Variants in IPO11 observed in about 807,000 individuals in gnomAD.
IPO11 encodes the protein importin 11, also known as importin-11.
IPO11 carries 66 observed loss-of-function variants against 143.2 expected under a neutral mutation model. The observed-to-expected ratio is 0.46, with a 90% confidence interval of 0.38 to 0.57. IPO11 has a LOEUF of 0.57. IPO11 is among the 20% of genes least tolerant of loss of function. The pLI is 0.00. For synonymous variants in IPO11, 385 were observed against 377.8 expected, an observed-to-expected ratio of 1.02 and a Z score of -0.22; for missense variants, 1,026 against 1,141.0, an observed-to-expected ratio of 0.90 and a Z score of 1.45.
At chr5:62,437,920 A>C (rs1744300396) in intron 2 of IPO11, among the ~76,000 whole-genome samples, 1 of 152,250 alleles carries the variant, frequency 6.6e-6, no homozygotes, top group Non-Finnish European at 1.5e-5. Flanking sequence ...TATGTGCTTT[A>C]AATTAACCTT....
intron 27 of IPO11, among the ~76,000 whole-genome samples, chr5:62,573,157 A>G (rs927926563): frequency 6.6e-5 from 10 of 151,968 alleles, no homozygotes; most frequent in Non-Finnish European, 1.3e-4. Context: ...AGCTGGGACT[A>G]CAGGTACCTG....
intron 27 of IPO11, among the ~76,000 whole-genome samples, chr5:62,575,530 A>T (rs573566593): frequency 1.3e-5 from 2 of 151,898 alleles, no homozygotes; most frequent in African/African-American, 4.8e-5. Flanking sequence ...ATCTCTCTCC[A>T]TCTTTCCAAT....
intron 27 of IPO11, chr5:62,581,260 C>A (rs1744549590): frequency 6.5e-7 from 1 of 1,537,874 alleles, no homozygotes; most frequent in African/African-American, 1.4e-5. Flanking sequence ...ACAAATTGTT[C>A]CTGAAAATGA....
chr5:62,602,635 T>G (rs1745548488), intron 29 of IPO11, among the ~76,000 whole-genome samples: 6 of 152,208 alleles, frequency 3.9e-5, no homozygotes, highest in Admixed American at 3.9e-4. Flanking sequence ...ATCATTGTAT[T>G]TACACCTCGC....
At chr5:62,498,270 T>G (rs1741226864) in intron 16 of IPO11, among the ~76,000 whole-genome samples, 1 of 152,172 alleles carries the variant, frequency 6.6e-6, no homozygotes, top group Non-Finnish European at 1.5e-5. Context: ...GGTAGTTCCT[T>G]GTGCCATAAT....
At chr5:62,602,608 G>A (rs1454904042) in intron 29 of IPO11, among the ~76,000 whole-genome samples, 1 of 152,126 alleles carries the variant, frequency 6.6e-6, no homozygotes, top group Non-Finnish European at 1.5e-5. Flanking sequence ...GTAAGAGTTA[G>A]CTGTCATTTT....
chr5:62,508,779 C>T (rs1002767613), intron 19 of IPO11, among the ~76,000 whole-genome samples: 3 of 152,090 alleles, frequency 2.0e-5, no homozygotes, highest in Non-Finnish European at 2.9e-5. Context: ...CAACAGGCCC[C>T]GGTGTGAGAT....
chr5:62,533,290 C>CA (rs1742622203), intron 22 of IPO11, among the ~76,000 whole-genome samples: 1 of 151,342 alleles, frequency 6.6e-6, no homozygotes, highest in Non-Finnish European at 1.5e-5. Context: ...TGGCTCACTG[C>CA]AACCTCCGTC....
chr5:62,556,371 G>A (rs146022386), intron 26 of IPO11, among the ~76,000 whole-genome samples: 189 of 152,256 alleles, frequency 1.2e-3, no homozygotes, highest in African/African-American at 4.2e-3. Context: ...TTAGCTTTGC[G>A]TATCATATAA....
intron 12 of IPO11, 88 bp from the exon 13 acceptor site, chr5:62,487,683 T>C (rs1164638124): frequency 4.0e-6 from 5 of 1,252,694 alleles, no homozygotes; most frequent in Non-Finnish European, 5.1e-6. Flanking sequence ...GTTTTAGAAT[T>C]TTAAGATTAA....
intron 5 of IPO11, among the ~76,000 whole-genome samples, chr5:62,458,917 A>G (rs1288522484): frequency 3.3e-5 from 5 of 152,154 alleles, no homozygotes; most frequent in Non-Finnish European, 7.3e-5. Context: ...GAAAATTCCA[A>G]AACTATCCCC....
In IPO11 at chr5:62,530,839, AG is replaced by A. The variant is rs371622153; in HGVS notation, c.2089+56del. On this transcript the variant is annotated intron_variant, in intron 22 of 29. Transcript: ENST00000325324. Reference sequence around the variant, plus strand: ...GTTTTTGAATGCAACCATAATTGGGAGGCATTGAAACATAATTTGGAGGCAT... The same window carrying A: ...GTTTTTGAATGCAACCATAATTGGGAGCATTGAAACATAATTTGGAGGCAT... The A allele has an allele frequency of 2.4e-5, 31 of 1,297,668 alleles. No homozygotes were observed. In the African/African-American group the frequency reaches 3.7e-4, roughly 15 times the overall value. 80.4% of individuals were successfully genotyped at this position (1,297,668 alleles called of 1,614,324 possible).
chr5:62,490,237 A>G lies in IPO11; in HGVS notation c.1463+17A>G, dbSNP rs1746555670. 2.1e-6 allele frequency: 3 copies of G among 1,453,930 alleles called. No homozygotes were observed. Among genetic ancestry groups the G allele is most frequent in the Non-Finnish European group, 2.8e-6 (3 of 1,057,890 alleles). The allele number at this position is 1,453,930 out of a possible 1,614,324, so 90.1% of individuals were successfully genotyped here. A position where few individuals can be genotyped will look rare whatever the true frequency, so the allele number is the denominator to read the frequency against. On this transcript the variant is annotated intron_variant, in intron 15 of 29. Transcript: ENST00000325324. The stretch of plus-strand genomic sequence containing the variant: ...TCACAATAGGCAAGTATAAAATTTT[A>G]TATTTATTATACACTTACTTTACCT...
At chr5:62,514,040 C>G (rs1187556385) in intron 19 of IPO11, among the ~76,000 whole-genome samples, 2 of 150,810 alleles carry the variant, frequency 1.3e-5, no homozygotes, top group East Asian at 3.9e-4. Context: ...GGATGGGGGC[C>G]GGGACGAGGC....
At position 62,628,301 on chromosome 5, in the gene IPO11, C is replaced by T. The variant is rs1004608920; in HGVS notation, c.*983C>T. 2 of 152,276 alleles carry T rather than the reference C, an allele frequency of 1.3e-5. No homozygotes were observed. Among genetic ancestry groups the T allele is most frequent in the East Asian group, 1.9e-4 (1 of 5,180 alleles). 9.4% of individuals were successfully genotyped at this position (152,276 alleles called of 1,614,324 possible). ...GAACTAGTCTTCCTTCCTTATTCCT[C>T]GAACATGCAGTACATAAAAAGGGGA... On this transcript the variant is annotated 3_prime_UTR_variant, in exon 30 of 30. Transcript: ENST00000325324.
intron 13 of IPO11, among the ~76,000 whole-genome samples, chr5:62,488,661 G>A (rs569949991): frequency 6.6e-6 from 1 of 152,136 alleles, no homozygotes; most frequent in African/African-American, 2.4e-5. Flanking sequence ...TAAAAGCCTT[G>A]TAAAAATGCC....
chr5:62,491,956 CT>C (rs1746628217), intron 15 of IPO11, among the ~76,000 whole-genome samples: 1 of 152,120 alleles, frequency 6.6e-6, no homozygotes, highest in South Asian at 2.1e-4. Context: ...TTTCTTTTCT[CT>C]TATAATGTGG....
intron 1 of IPO11, among the ~76,000 whole-genome samples, chr5:62,420,114 C>A (rs556167690): frequency 7.2e-5 from 11 of 151,780 alleles, no homozygotes; most frequent in African/African-American, 2.7e-4. Flanking sequence ...CATGGTGATA[C>A]CCTGTTTCTA....
At chr5:62,449,664 T>C (rs1415386897) in intron 3 of IPO11, 4 of 256,248 alleles carry the variant, frequency 1.6e-5, no homozygotes, top group Admixed American at 5.4e-5. Flanking sequence ...TTCCGACTTA[T>C]CTGATGTGCC....
Sources: gnomAD v4.1 joint callset for allele counts (sites outside exome capture counted in the v4.1 genomes callset) on GRCh38, gnomAD v4.1.1 for gene constraint, MANE v1.5 for transcripts, NCBI Gene and HGNC (gene_info 2026-07-23, HGNC 2026-07-21) for gene names.